The following PCDH15 variants were observed in gnomAD, a reference collection of about 807,000 sequenced individuals.
PCDH15 encodes protocadherin related 15, also known as protocadherin-15.
PCDH15 carries 129 observed loss-of-function variants against 178.5 expected under a neutral mutation model. The observed-to-expected ratio is 0.72, with a 90% CI of 0.63 to 0.84. The LOEUF is 0.84. PCDH15 is among the 40% of genes least tolerant of loss of function. The probability of loss-of-function intolerance (pLI) is 0.00; values close to 1 mark genes in which losing one functional copy is unlikely to be tolerated. For missense variants in PCDH15, 2,230 were observed against 2,099.9 expected (o/e 1.06, Z -1.21); for synonymous variants, 800 against 732.0 (o/e 1.09, Z -1.50).
At chr10:53,935,603 C>T (rs927471234) in intron 25 of PCDH15, among the ~76,000 whole-genome samples, 7 of 152,190 alleles carry the variant, frequency 4.6e-5, no homozygotes, top group Non-Finnish European at 7.3e-5. Context: ...ATTATCTCTT[C>T]TTGCTTTTAA....
chr10:54,977,486 C>G (rs1839102874), intron 2 of PCDH15, among the ~76,000 whole-genome samples: 1 of 152,134 alleles, frequency 6.6e-6, no homozygotes, highest in African/African-American at 2.4e-5. Context: ...ATGGCAATAT[C>G]CAGAAGTCAC....
intron 10 of PCDH15, among the ~76,000 whole-genome samples, chr10:54,213,118 T>C (rs2051627426): frequency 7.0e-6 from 1 of 143,524 alleles, no homozygotes; most frequent in African/African-American, 2.5e-5. Context: ...TTTTGCATGC[T>C]TAAATATGAG....
At position 54,575,063 on chromosome 10, in the gene PCDH15, C is replaced by T. The variant is rs1411888882; in HGVS notation, c.92-47186G>A. Among the ~76,000 whole-genome samples the T allele has an allele frequency of 2.2e-4, 29 of 133,990 alleles. No individual in the cohort carries two copies. The East Asian group carries it at 5.4e-3, about 25-fold the overall frequency. 87.9% of individuals were successfully genotyped at this position (133,990 alleles called of 152,430 possible). A position where few individuals can be genotyped will look rare whatever the true frequency, so the allele number is the denominator to read the frequency against. ...ACTATCGCAAGAACAAAAAACCAAG[C>T]ACCACATATTCTCACTCATAGGTGG... On this transcript the variant is annotated intron_variant, in intron 2 of 37. Transcript: ENST00000644397.
chr10:55,390,066 G>T (rs1378688402), intron 2 of PCDH15, among the ~76,000 whole-genome samples: 1 of 152,068 alleles, frequency 6.6e-6, no homozygotes, highest in African/African-American at 2.4e-5. Flanking sequence ...TGCGGGTTTA[G>T]TTCCAGACCA....
At chr10:54,927,024 T>C (rs1395237073) in intron 2 of PCDH15, among the ~76,000 whole-genome samples, 1 of 152,180 alleles carries the variant, frequency 6.6e-6, no homozygotes, top group East Asian at 1.9e-4. Flanking sequence ...CTTTTCGTCA[T>C]GATGTTAGGT....
intron 1 of PCDH15, among the ~76,000 whole-genome samples, chr10:54,746,689 T>G (rs1945507454): frequency 6.6e-6 from 1 of 152,200 alleles, no homozygotes; most frequent in African/African-American, 2.4e-5. Context: ...AACCAGTATA[T>G]ATATTTTTAT....
intron 11 of PCDH15, among the ~76,000 whole-genome samples, chr10:54,186,419 A>C (rs2048478338): frequency 6.6e-6 from 1 of 152,070 alleles, no homozygotes; most frequent in South Asian, 2.1e-4. Context: ...ACACTACTAT[A>C]ATAAAATGTG....
chr10:54,796,138 A>G (rs1170654973), intron 1 of PCDH15, among the ~76,000 whole-genome samples: 2 of 151,746 alleles, frequency 1.3e-5, no homozygotes, highest in Non-Finnish European at 2.9e-5. Context: ...TTGAAGACCC[A>G]TCTCACAGCC....
At chr10:54,694,222 GA>G (rs1314692919) in intron 1 of PCDH15, among the ~76,000 whole-genome samples, 1 of 152,128 alleles carries the variant, frequency 6.6e-6, no homozygotes, top group Non-Finnish European at 1.5e-5. Flanking sequence ...GGTCACTTTT[GA>G]AAGGGCTTAT....
chr10:54,105,356 A>ATGTGTGTG (rs2094899491), intron 15 of PCDH15, among the ~76,000 whole-genome samples: 1 of 141,494 alleles, frequency 7.1e-6, no homozygotes, highest in Non-Finnish European at 1.6e-5. Context: ...ACACACACAC[A>ATGTGTGTG]TACACAAAAC....
At chr10:54,243,393 G>A (rs1307635291) in intron 8 of PCDH15, among the ~76,000 whole-genome samples, 2 of 152,152 alleles carry the variant, frequency 1.3e-5, no homozygotes, top group African/African-American at 2.4e-5. Context: ...TGTAGTCACA[G>A]CTACTAGGGA....
chr10:54,435,009 GA>G (rs1250305513), intron 3 of PCDH15, among the ~76,000 whole-genome samples: 1 of 151,762 alleles, frequency 6.6e-6, no homozygotes, highest in African/African-American at 2.4e-5. Flanking sequence ...GGTTTAGTGA[GA>G]TTTAGTATAT....
At chr10:54,471,516 C>T (rs1257812675) in intron 3 of PCDH15, among the ~76,000 whole-genome samples, 1 of 151,970 alleles carries the variant, frequency 6.6e-6, no homozygotes, top group Non-Finnish European at 1.5e-5. Context: ...ATGTGAGCAG[C>T]TATTTAGATC....
intron 3 of PCDH15, among the ~76,000 whole-genome samples, chr10:54,891,738 G>C (rs1954465894): frequency 6.6e-6 from 1 of 152,156 alleles, no homozygotes; most frequent in Non-Finnish European, 1.5e-5. Flanking sequence ...CATCTTAGCA[G>C]AGAATTTAGC....
chr10:53,959,252 T>TTATATA (rs145704041), intron 23 of PCDH15, among the ~76,000 whole-genome samples: 1 of 147,718 alleles, frequency 6.8e-6, no homozygotes, highest in Non-Finnish European at 1.5e-5. Context: ...CACACTACAT[T>TTATATA]TATATATATA....
chr10:53,860,614 C>A (rs2079040235), intron 27 of PCDH15, among the ~76,000 whole-genome samples: 1 of 151,566 alleles, frequency 6.6e-6, no homozygotes, highest in South Asian at 2.1e-4. Flanking sequence ...GCCTGTAATT[C>A]CAGCTACTCT....
intron 21 of PCDH15, chr10:53,995,317 T>G (rs2091775101): frequency 2.9e-6 from 1 of 348,558 alleles, no homozygotes; most frequent in Non-Finnish European, 5.4e-6. Context: ...ATGCATACAG[T>G]GGAAAATACA....
At chr10:54,753,261 G>A (rs1946587099) in intron 1 of PCDH15, among the ~76,000 whole-genome samples, 1 of 151,960 alleles carries the variant, frequency 6.6e-6, no homozygotes. Context: ...TCTGCTCACC[G>A]AAACCTCTGC....
chr10:54,815,698 A>C (rs991238334), intron 3 of PCDH15, among the ~76,000 whole-genome samples: 1 of 152,100 alleles, frequency 6.6e-6, no homozygotes, highest in African/African-American at 2.4e-5. Flanking sequence ...ACTCCCAGGC[A>C]ACAAAGTCAT....
Sources: gnomAD v4.1 joint callset for allele counts (sites outside exome capture counted in the v4.1 genomes callset) on GRCh38, gnomAD v4.1.1 for gene constraint, MANE v1.5 for transcripts, NCBI Gene and HGNC (gene_info 2026-07-23, HGNC 2026-07-21) for gene names.